Variants in BLTP3B observed in about 807,000 individuals in gnomAD.
BLTP3B encodes bridge-like lipid transfer protein family member 3B, also known as UHRF1 (ICBP90) binding protein 1-like.
chr12:100,097,554 G>A, the BLTP3B span: 4 of 1,519,938 alleles, frequency 2.6e-6, no homozygotes, highest in South Asian at 2.6e-5. Context: ...AAAACAGAAT[G>A]AGAAAAATGT....
the BLTP3B span, among the ~76,000 whole-genome samples, chr12:100,111,945 TTGCTCAGGC>T: frequency 6.6e-6 from 1 of 152,076 alleles, no homozygotes; most frequent in Admixed American, 6.6e-5. Context: ...ACTCACTATG[TTGCTCAGGC>T]TGATATCGAA....
the BLTP3B span, among the ~76,000 whole-genome samples, chr12:100,094,665 T>C: frequency 8.5e-5 from 13 of 152,346 alleles, no homozygotes; most frequent in African/African-American, 2.6e-4. Context: ...GGGACCAGCA[T>C]GGCCAACACA....
chr12:100,105,072 T>G, the BLTP3B span, among the ~76,000 whole-genome samples: 1 of 152,030 alleles, frequency 6.6e-6, no homozygotes, highest in East Asian at 1.9e-4. Context: ...CCCAAAGCAA[T>G]CTACAAATTC....
At chr12:100,111,311 T>G in the BLTP3B span, among the ~76,000 whole-genome samples, 1 of 146,198 alleles carries the variant, frequency 6.8e-6, no homozygotes, top group Non-Finnish European at 1.5e-5. Flanking sequence ...TTTGCTTTTT[T>G]GAGACACGGT....
the BLTP3B span, among the ~76,000 whole-genome samples, chr12:100,069,409 T>G: frequency 6.6e-6 from 1 of 151,654 alleles, no homozygotes; most frequent in Non-Finnish European, 1.5e-5. Context: ...GAAACTGTGG[T>G]GGGTGGGGGT....
the BLTP3B span, among the ~76,000 whole-genome samples, chr12:100,133,089 A>C: frequency 1.3e-5 from 2 of 152,022 alleles, no homozygotes; most frequent in African/African-American, 4.8e-5. Context: ...AAAAATAAAA[A>C]AATTTAGCTG....
the BLTP3B span, chr12:100,103,907 A>G: frequency 6.3e-7 from 1 of 1,599,750 alleles, no homozygotes; most frequent in Admixed American, 1.7e-5. Context: ...TGGTTTCAGA[A>G]CTCACCAAAC....
the BLTP3B span, among the ~76,000 whole-genome samples, chr12:100,044,079 GTTTGT>G: frequency 5.3e-5 from 8 of 152,016 alleles, no homozygotes; most frequent in South Asian, 4.2e-4. Flanking sequence ...TTTTCTGTTT[GTTTGT>G]TTTGTTTTGT....
At chr12:100,139,105 C>T in the BLTP3B span, among the ~76,000 whole-genome samples, 1 of 152,158 alleles carries the variant, frequency 6.6e-6, no homozygotes, top group Admixed American at 6.5e-5. Flanking sequence ...TCTAAGCTCC[C>T]CCATCCCACC....
the BLTP3B span, among the ~76,000 whole-genome samples, chr12:100,061,269 T>G: frequency 6.6e-6 from 1 of 152,168 alleles, no homozygotes; most frequent in Non-Finnish European, 1.5e-5. Context: ...CAGAGTAGAC[T>G]AGGGAGCAAA....
chr12:100,058,207 T>C, the BLTP3B span: 1 of 1,613,056 alleles, frequency 6.2e-7, no homozygotes, highest in Non-Finnish European at 8.5e-7. Flanking sequence ...TTACCATCAC[T>C]ATCAAATGAA....
chr12:100,057,639 T>C, the BLTP3B span: 1 of 1,612,910 alleles, frequency 6.2e-7, no homozygotes, highest in Non-Finnish European at 8.5e-7. Flanking sequence ...TATCATGCTG[T>C]CAAGTGAAAT....
the BLTP3B span, among the ~76,000 whole-genome samples, chr12:100,069,479 C>T: frequency 1.3e-5 from 2 of 151,684 alleles, no homozygotes; most frequent in African/African-American, 2.4e-5. Context: ...TATGTATATA[C>T]ATACATGTGT....
the BLTP3B span, among the ~76,000 whole-genome samples, chr12:100,068,972 T>C: frequency 6.6e-6 from 1 of 152,152 alleles, no homozygotes; most frequent in Non-Finnish European, 1.5e-5. Flanking sequence ...GCATGGTGGC[T>C]CCCGCCTGTC....
the BLTP3B span, among the ~76,000 whole-genome samples, chr12:100,055,530 A>T: frequency 2.0e-5 from 3 of 151,972 alleles, no homozygotes; most frequent in African/African-American, 7.3e-5. Flanking sequence ...TACAAAAATT[A>T]GCTAGGCGTG....
At chr12:100,078,715 T>G in the BLTP3B span, among the ~76,000 whole-genome samples, 1 of 152,176 alleles carries the variant, frequency 6.6e-6, no homozygotes, top group African/African-American at 2.4e-5. Context: ...TGAGGAAAAG[T>G]TTCACATTTC....
the BLTP3B span, among the ~76,000 whole-genome samples, chr12:100,104,247 C>A: frequency 4.7e-4 from 69 of 148,036 alleles, 1 homozygote; most frequent in African/African-American, 1.6e-3. Flanking sequence ...TTCTGTTGCC[C>A]AGACTGGAGT....
At chr12:100,071,351 G>A in the BLTP3B span, among the ~76,000 whole-genome samples, 1 of 151,836 alleles carries the variant, frequency 6.6e-6, no homozygotes, top group Non-Finnish European at 1.5e-5. Context: ...ACAAAAATTA[G>A]CCGGGAGTGT....
At chr12:100,040,750 A>G in the BLTP3B span, among the ~76,000 whole-genome samples, 509 of 152,290 alleles carry the variant, frequency 3.3e-3, 2 homozygotes, top group Middle Eastern at 0.014. Flanking sequence ...AAATTCTTAA[A>G]AAGACAATAA....
Sources: allele counts gnomAD v4.1 joint callset (sites outside exome capture counted in the v4.1 genomes callset), GRCh38; gene constraint gnomAD v4.1.1; transcripts MANE v1.5; gene names NCBI Gene and HGNC (gene_info 2026-07-23, HGNC 2026-07-21).